DNAH6: variants seen among roughly 807,000 people sequenced by gnomAD.
DNAH6 encodes the protein axonemal beta dynein heavy chain 6.
DNAH6 carries 340 observed loss-of-function variants against 491.4 expected under a neutral mutation model. That is an observed-to-expected ratio of 0.69 (90% CI 0.63 to 0.76). DNAH6 has a LOEUF of 0.76. Ranked by LOEUF, DNAH6 falls within the 30% of genes least tolerant of loss-of-function variation. DNAH6 has a pLI of 0.00. For missense variants in DNAH6, 4,443 were observed against 4,972.2 expected (o/e 0.89, Z 3.20); for synonymous variants, 1,603 against 1,686.1 (o/e 0.95, Z 1.21).
Position 84,625,055 on chromosome 2 carries a change from G to T in DNAH6, c.4507G>T (p.Asp1503Tyr). ...GGTCTTTAACTGTTCAGATGGTTTG[G>T]ACTACAAGGTACAGTTCTTGCATCT... Reference protein sequence around the residue: ...CVVFNCSDGLDYKMMGRFFSG... With the variant: ...CVVFNCSDGLYYKMMGRFFSG... Residue 1503 changes from aspartate to tyrosine, a missense_variant, in exon 29 of 77, where the codon GAC (aspartate) becomes TAC (tyrosine). Asp to Tyr is a radical substitution (Grantham distance 160). Around this residue, in one of 3 missense-constraint regions of DNAH6, gnomAD observed 2,977 missense variants for 3,296.6 expected, o/e 0.90. Coordinates refer to ENST00000389394, the MANE Select transcript of DNAH6 (RefSeq NM_001370.2). The T allele has an allele frequency of 4.5e-6, 7 of 1,543,432 alleles. No individual in the cohort carries two copies. The highest frequency in any genetic ancestry group is 1.4e-5 in the African/African-American group (1 of 72,762).
Position 84,797,543 on chromosome 2 carries a change from AT to A in DNAH6, c.11370del (p.Phe3790LeufsTer20). 1.3e-6 allele frequency: 2 copies of A among 1,551,550 alleles called. No individual in the cohort carries two copies. Among genetic ancestry groups the A allele is most frequent in the Non-Finnish European group, 1.7e-6 (2 of 1,146,842 alleles). On this transcript the variant is annotated frameshift_variant, in exon 70 of 77. Coordinates refer to ENST00000389394, the MANE Select transcript of DNAH6 (RefSeq NM_001370.2). LOFTEE classifies it high-confidence loss of function. The part of the protein sequence containing the change: ...EDYKYSESGI[Y>X]FAPMADSLQE... Reference sequence around the variant, plus strand: ...TCTGTGTTTTTAATAACAGGCATCTATTTTGCACCCATGGCTGACAGCCTAC... The same window carrying A: ...TCTGTGTTTTTAATAACAGGCATCTATTTGCACCCATGGCTGACAGCCTAC...
At chr2:84,501,300 T>C in the DNAH6 span, among the ~76,000 whole-genome samples, 2 of 152,192 alleles carry the variant, frequency 1.3e-5, no homozygotes, top group African/African-American at 4.8e-5. Flanking sequence ...TTGTGTCCTT[T>C]CTTCTGTTGA....
chr2:84,600,707 T>C (rs1191969883), intron 18 of DNAH6, among the ~76,000 whole-genome samples: 1 of 152,024 alleles, frequency 6.6e-6, no homozygotes. Context: ...CCAAAATACA[T>C]GCTATCAACA....
chr2:84,605,978 A>G (rs1264664834), intron 20 of DNAH6, among the ~76,000 whole-genome samples: 1 of 152,242 alleles, frequency 6.6e-6, no homozygotes, highest in African/African-American at 2.4e-5. Context: ...AAACCCTGTA[A>G]ACAAGGCAAA....
At chr2:84,572,223 G>T (rs1681969379) in intron 11 of DNAH6, among the ~76,000 whole-genome samples, 2 of 152,298 alleles carry the variant, frequency 1.3e-5, no homozygotes, top group Non-Finnish European at 2.9e-5. Flanking sequence ...AAATGGTTCA[G>T]AGTATAATAA....
intron 62 of DNAH6, among the ~76,000 whole-genome samples, chr2:84,738,711 G>C (rs531628811): frequency 1.3e-5 from 2 of 151,942 alleles, no homozygotes; most frequent in East Asian, 3.9e-4. Flanking sequence ...CCTTTACTTT[G>C]AGCCTATAGG....
chr2:84,723,197 C>T (rs1698325011), intron 60 of DNAH6, among the ~76,000 whole-genome samples: 1 of 151,952 alleles, frequency 6.6e-6, no homozygotes, highest in African/African-American at 2.4e-5. Context: ...CACTGCACTC[C>T]AGCCTGGGCG....
rs756702053 is a variant in DNAH6, at chr2:84,677,022, G to A, written c.6630G>A (p.Ser2210=). 2.6e-5 allele frequency: 41 copies of A among 1,551,752 alleles called. No homozygotes were observed. Among genetic ancestry groups the A allele is most frequent in the Non-Finnish European group, 3.1e-5 (36 of 1,146,984 alleles). The change falls in exon 41 of 77, where the codon TCG becomes TCA. Residue 2210 remains serine (S), a synonymous_variant. Transcript: ENST00000389394. ...WKEIQDVTII[S]ACAPPGGGRN... is the part of the protein sequence containing the mutation. ...GCACACAGGATGTAACAATCATATCGGCATGTGCACCTCCAGGCGGTGGCC... is the reference window on the plus strand; with the variant it reads ...GCACACAGGATGTAACAATCATATCAGCATGTGCACCTCCAGGCGGTGGCC...
Position 84,637,234 on chromosome 2 carries a change from C to G in DNAH6, c.4678C>G (p.Arg1560Gly). 4 of 1,546,836 alleles carry G rather than the reference C, an allele frequency of 2.6e-6. No individual in the cohort carries two copies. The highest frequency in any genetic ancestry group is 3.5e-6 in the Non-Finnish European group (4 of 1,144,138). The part of the protein sequence containing the change: ...AKLSRFMFEG[R>G]EIKLVMTCAA... ...GCTCTCTAGATTCATGTTTGAGGGG[C>G]GGGAAATAAAGTTGGTGATGACTTG... Residue 1560 changes from arginine (R) to glycine (G), a missense_variant, in exon 31 of 77, where the codon CGG (arginine) becomes GGG (glycine). Transcript: ENST00000389394.
rs1682805559 is a variant in DNAH6 at position 84,579,522 on chromosome 2, C to G, written c.2077-5C>G. On this transcript the variant is annotated splice_region_variant and splice_polypyrimidine_tract_variant and intron_variant, in intron 13 of 76. Transcript: ENST00000389394. ...TTTACAATTCACACGGTGTTTCTTT[C>G]TTAGGTGCTAAATTTTATGCTTCCT... The G allele has an allele frequency of 6.2e-7, 1 of 1,613,114 alleles. No individual in the cohort carries two copies. Among genetic ancestry groups the G allele is most frequent in the Admixed American group, 1.7e-5 (1 of 59,904 alleles).
intron 30 of DNAH6, among the ~76,000 whole-genome samples, chr2:84,635,360 C>G (rs1033406333): frequency 6.6e-6 from 1 of 152,128 alleles, no homozygotes; most frequent in East Asian, 1.9e-4. Flanking sequence ...TCATTTCCCC[C>G]AAGGTAATAG....
Position 84,727,655 on chromosome 2 carries a change from T to C in DNAH6, c.9973-14T>C, listed in dbSNP as rs557210412. On this transcript the variant is annotated splice_polypyrimidine_tract_variant and intron_variant, in intron 60 of 76. Coordinates refer to ENST00000389394, the MANE Select transcript of DNAH6 (RefSeq NM_001370.2). ...ATTAAATCAGAGACATTGATAGAGC[T>C]CTCTTTCACACAGTTGTTCAATACC... 255 of 1,460,670 alleles carry C rather than the reference T, an allele frequency of 1.7e-4. No homozygotes were observed. The African/African-American group carries it at 3.3e-3, about 19-fold the overall frequency. 90.5% of individuals were successfully genotyped at this position (1,460,670 alleles called of 1,614,324 possible). A position where few individuals can be genotyped will look rare whatever the true frequency, so the allele number is the denominator to read the frequency against.
At chr2:84,651,790 G>A (rs905909935) in intron 33 of DNAH6, among the ~76,000 whole-genome samples, 14 of 152,186 alleles carry the variant, frequency 9.2e-5, no homozygotes, top group African/African-American at 3.4e-4. Context: ...TGTACTTAAT[G>A]GAAGGAATAG....
chr2:84,515,067 A>G (rs1675501331), upstream of DNAH6, among the ~76,000 whole-genome samples: 1 of 152,204 alleles, frequency 6.6e-6, no homozygotes, highest in South Asian at 2.1e-4. Context: ...AATGAAATCT[A>G]TTCTGAGGAT....
intron 60 of DNAH6, among the ~76,000 whole-genome samples, chr2:84,726,406 C>G (rs959029299): frequency 2.6e-5 from 4 of 152,184 alleles, no homozygotes; most frequent in African/African-American, 7.2e-5. Flanking sequence ...TGCCCCGTGA[C>G]TTCCATGGAA....
At chr2:84,688,809 T>C (rs1435969250) in intron 45 of DNAH6, among the ~76,000 whole-genome samples, 1 of 152,226 alleles carries the variant, frequency 6.6e-6, no homozygotes, top group Non-Finnish European at 1.5e-5. Context: ...TTTTGCTAAA[T>C]ATTAGTAGAT....
At chr2:84,633,733 C>G (rs931778627) in intron 29 of DNAH6, among the ~76,000 whole-genome samples, 1 of 151,326 alleles carries the variant, frequency 6.6e-6, no homozygotes, top group Non-Finnish European at 1.5e-5. Context: ...GCTGGCTTCC[C>G]TTTCCATTAT....
chr2:84,763,083 T>A, intron 64 of DNAH6, 138 bp downstream of exon 64: 1 of 668,942 alleles, frequency 1.5e-6, no homozygotes, highest in Non-Finnish European at 2.6e-6. Flanking sequence ...TAAGATATGT[T>A]AATAGTTAGC....
chr2:84,471,479 G>A, the DNAH6 span, among the ~76,000 whole-genome samples: 1 of 152,152 alleles, frequency 6.6e-6, no homozygotes, highest in Non-Finnish European at 1.5e-5. Context: ...GCTGAATAGG[G>A]GCGATGATAT....
Sources: allele counts gnomAD v4.1 joint callset (sites outside exome capture counted in the v4.1 genomes callset), GRCh38; gene constraint gnomAD v4.1.1; regional missense constraint gnomAD v4.1.1; transcripts MANE v1.5; gene names NCBI Gene and HGNC (gene_info 2026-07-23, HGNC 2026-07-21).